The following CDH19 variants were observed in gnomAD, a reference collection of about 807,000 sequenced individuals.
CDH19 encodes cadherin 19, also known as cadherin-19.
CDH19 carries 67 observed loss-of-function variants against 64.2 expected under a neutral mutation model. The ratio of observed to expected loss-of-function variants is 1.04; its 90% CI spans 0.86 to 1.28. The LOEUF (loss-of-function observed/expected upper bound fraction) is 1.28, where lower values mean the gene tolerates loss of function less well. Among genes scored for constraint, CDH19 ranks in the 50% most tolerant of loss-of-function variants. The probability of loss-of-function intolerance (pLI) is 0.00; values close to 1 mark genes in which losing one functional copy is unlikely to be tolerated. For missense variants in CDH19, 1,030 were observed against 929.0 expected (o/e 1.11, Z -1.41); for synonymous variants, 346 against 319.3 (o/e 1.08, Z -0.89).
intron 1 of CDH19, among the ~76,000 whole-genome samples, chr18:66,574,451 T>C (rs969210343): frequency 2.0e-5 from 3 of 151,410 alleles, no homozygotes; most frequent in Non-Finnish European, 4.4e-5. Flanking sequence ...TACTACAATG[T>C]CTGTGATGAA....
intron 9 of CDH19, among the ~76,000 whole-genome samples, chr18:66,513,064 C>T (rs879731329): frequency 2.6e-5 from 4 of 151,366 alleles, no homozygotes; most frequent in Non-Finnish European, 5.9e-5. Flanking sequence ...ATATGGATAT[C>T]TTTATATGCA....
Position 66,516,538 on chromosome 18 carries a change from G to T in CDH19, c.1459-4853C>A, listed in dbSNP as rs141189634. On this transcript the variant is annotated intron_variant, in intron 9 of 11. Coordinates refer to ENST00000262150, the MANE Select transcript of CDH19 (RefSeq NM_021153.4). ...CCTAAGGGTATGCTGAGCTCCAGAAGATGTCACCAAAGTAATGTTTTTTCA... is the reference window on the plus strand; with the variant it reads ...CCTAAGGGTATGCTGAGCTCCAGAATATGTCACCAAAGTAATGTTTTTTCA... Among the ~76,000 whole-genome samples the T allele has an allele frequency of 1.3e-3, 203 of 152,078 alleles. 2 individuals are homozygous for T. The highest frequency in any genetic ancestry group is 4.7e-3 in the African/African-American group (196 of 41,530).
intron 8 of CDH19, among the ~76,000 whole-genome samples, chr18:66,532,869 G>C (rs920395892): frequency 5.3e-5 from 8 of 152,066 alleles, no homozygotes; most frequent in Admixed American, 5.2e-4. Flanking sequence ...AGTGAATATA[G>C]AATGAATTCT....
chr18:66,528,426 T>C (rs978422583), intron 9 of CDH19, among the ~76,000 whole-genome samples: 12 of 152,268 alleles, frequency 7.9e-5, no homozygotes, highest in Admixed American at 6.5e-5. Flanking sequence ...TGCAACACAA[T>C]AGAGAGCCTC....
At chr18:66,527,871 A>C (rs1470161451) in intron 9 of CDH19, among the ~76,000 whole-genome samples, 1 of 151,966 alleles carries the variant, frequency 6.6e-6, no homozygotes, top group Non-Finnish European at 1.5e-5. Context: ...TAGGCTTAAA[A>C]CAGGCTAATA....
intron 1 of CDH19, among the ~76,000 whole-genome samples, chr18:66,574,517 A>G (rs1298206807): frequency 1.3e-5 from 2 of 151,806 alleles, no homozygotes; most frequent in Non-Finnish European, 2.9e-5. Flanking sequence ...AAAACAGTTA[A>G]ACTGAAGACA....
intron 1 of CDH19, among the ~76,000 whole-genome samples, chr18:66,584,393 A>T (rs1464049429): frequency 1.3e-5 from 2 of 152,108 alleles, no homozygotes; most frequent in African/African-American, 4.8e-5. Flanking sequence ...TGTCGGTGAG[A>T]GTATAAATTA....
rs899261936 is a variant in CDH19 at position 66,591,931 on chromosome 18, G to A, written c.-113+12023C>T. On this transcript the variant is annotated intron_variant, in intron 1 of 11. Transcript: ENST00000262150. ...CTCTTTTCTAATCTCCAGACCTACA[G>A]AACTACTTTCCACGAGGCATTTCAA... 5.3e-5 allele frequency among the ~76,000 whole-genome samples: 8 copies of A among 151,738 alleles called. No homozygotes were observed. The East Asian group carries it at 1.4e-3, about 26-fold the overall frequency.
At chr18:66,596,911 T>A in intron 1 of CDH19, among the ~76,000 whole-genome samples, 1 of 147,794 alleles carries the variant, frequency 6.8e-6, no homozygotes. Flanking sequence ...TGAAACCCCG[T>A]CTCTACTAAA....
At chr18:66,559,057 T>C (rs2144539068) in intron 3 of CDH19, among the ~76,000 whole-genome samples, 1 of 152,148 alleles carries the variant, frequency 6.6e-6, no homozygotes, top group African/African-American at 2.4e-5. Flanking sequence ...TCATCCCATT[T>C]CCTAAAAACA....
intron 9 of CDH19, among the ~76,000 whole-genome samples, chr18:66,512,671 G>C (rs1015216779): frequency 6.9e-6 from 1 of 145,894 alleles, no homozygotes; most frequent in Non-Finnish European, 1.5e-5. Context: ...TATTCATTTA[G>C]TGTTAATTAA....
intron 3 of CDH19, among the ~76,000 whole-genome samples, chr18:66,560,096 G>A (rs895305497): frequency 3.9e-5 from 6 of 151,980 alleles, no homozygotes; most frequent in East Asian, 1.9e-4. Context: ...GTGCAATGGC[G>A]TGGTCTCTGA....
chr18:66,561,249 T>G (rs1440573502), intron 3 of CDH19, among the ~76,000 whole-genome samples: 1 of 152,106 alleles, frequency 6.6e-6, no homozygotes, highest in African/African-American at 2.4e-5. Flanking sequence ...AGTCATTTTG[T>G]AAAACAGAAA....
intron 1 of CDH19, among the ~76,000 whole-genome samples, chr18:66,597,030 C>T (rs1010057934): frequency 7.9e-4 from 99 of 124,974 alleles, no homozygotes; most frequent in Middle Eastern, 5.2e-3. Context: ...TGCAGTGAGC[C>T]GAGATCCCGC....
intron 2 of CDH19, among the ~76,000 whole-genome samples, chr18:66,570,865 C>T (rs182353291): frequency 5.9e-5 from 9 of 151,678 alleles, no homozygotes; most frequent in Middle Eastern, 3.4e-3. Context: ...TTCCCTATAA[C>T]ACCTTATTTA....
intron 3 of CDH19, among the ~76,000 whole-genome samples, chr18:66,559,283 T>C (rs1209732683): frequency 2.6e-5 from 4 of 152,034 alleles, no homozygotes; most frequent in African/African-American, 9.7e-5. Context: ...ATAAAAACTT[T>C]TTAAAAATTA....
At chr18:66,522,705 T>C (rs1036103490) in intron 9 of CDH19, among the ~76,000 whole-genome samples, 1 of 151,616 alleles carries the variant, frequency 6.6e-6, no homozygotes, top group African/African-American at 2.4e-5. Flanking sequence ...ATATGTTTCA[T>C]ATTAATTCGA....
intron 7 of CDH19, among the ~76,000 whole-genome samples, chr18:66,542,608 C>A (rs1986931636): frequency 1.3e-5 from 2 of 152,254 alleles, no homozygotes; most frequent in Admixed American, 6.5e-5. Flanking sequence ...AGATTTCTAA[C>A]CCTTTGAACT....
rs369924731 is a variant in CDH19, at chr18:66,535,645, A to G, written c.1215-538T>C. On this transcript the variant is annotated intron_variant, in intron 7 of 11. Coordinates refer to ENST00000262150, the MANE Select transcript of CDH19 (RefSeq NM_021153.4). Reference sequence around the variant, plus strand: ...TATATATATATATAAACATATATATAATACATTATATATGATATATATTTT... The same window carrying G: ...TATATATATATATAAACATATATATGATACATTATATATGATATATATTTT... Among the ~76,000 whole-genome samples, 144 of 147,004 alleles carry G rather than the reference A, an allele frequency of 9.8e-4. No individual in the cohort carries two copies. In the East Asian group the frequency reaches 0.018, roughly 18 times the overall value.
Sources: gnomAD v4.1 joint callset for allele counts (sites outside exome capture counted in the v4.1 genomes callset) on GRCh38, gnomAD v4.1.1 for gene constraint, MANE v1.5 for transcripts, NCBI Gene and HGNC (gene_info 2026-07-23, HGNC 2026-07-21) for gene names.